Variants in FAM200B observed in about 807,000 individuals in gnomAD.
FAM200B encodes the protein zinc finger BED-type containing 11.
In FAM200B, 32 loss-of-function variants were observed where a neutral mutation model predicts 33.1. The observed-to-expected ratio is 0.97, with a 90% CI of 0.73 to 1.30. The LOEUF (loss-of-function observed/expected upper bound fraction) is 1.30. FAM200B is among the 50% of genes most tolerant of loss of function. The pLI is 0.00. For missense variants in FAM200B, 741 were observed against 754.0 expected (o/e 0.98, Z 0.20); for synonymous variants, 240 against 264.8 (o/e 0.91, Z 0.91).
chr4:15,655,337 T>A, the FAM200B span: 1 of 1,308,942 alleles, frequency 7.6e-7, no homozygotes, highest in Non-Finnish European at 1.0e-6. Flanking sequence ...CGCCTCTCCA[T>A]AGACACCCTC....
At chr4:15,642,871 T>C in the FAM200B span, among the ~76,000 whole-genome samples, 21 of 152,350 alleles carry the variant, frequency 1.4e-4, no homozygotes, top group East Asian at 3.9e-3. Flanking sequence ...GACCCTCTTC[T>C]ATATACTCTA....
At chr4:15,670,302 C>T in the FAM200B span, among the ~76,000 whole-genome samples, 2 of 152,174 alleles carry the variant, frequency 1.3e-5, no homozygotes, top group African/African-American at 2.4e-5. Context: ...CTAGATCATA[C>T]GTATGATAGA....
Position 15,688,713 on chromosome 4 carries a change from G to A in FAM200B, c.1736G>A (p.Ser579Asn), listed in dbSNP as rs1185276184. 1 of 1,550,726 alleles carries A rather than the reference G, an allele frequency of 6.4e-7. No homozygotes were observed. The highest frequency in any genetic ancestry group is 8.7e-7 in the Non-Finnish European group (1 of 1,146,388). The change falls in exon 2 of 2, where the codon AGT (serine) becomes AAT (asparagine). Residue 579 changes from serine (S) to asparagine (N), a missense_variant. Coordinates refer to ENST00000422728, the MANE Select transcript of FAM200B (RefSeq NM_001145191.2). ...YTLKNDYETL[S>N]LSAFWMKVKE... ...TTGAAGAATGATTATGAAACCTTAA[G>A]TTTATCAGCATTTTGGATGAAGGTA...
Position 15,686,937 on chromosome 4 carries a change from A to G in FAM200B, c.-41A>G. ...TTTCTTCTTTTTTGAGTTAGTGCCA[A>G]TTATAACATTTTAATCAAACTGGAA... On this transcript the variant is annotated 5_prime_UTR_variant, in exon 2 of 2. Transcript: ENST00000422728. The G allele has an allele frequency of 1.9e-6, 2 of 1,079,646 alleles. No homozygotes were observed. The highest frequency in any genetic ancestry group is 2.5e-6 in the Non-Finnish European group (2 of 789,140). 66.9% of individuals were successfully genotyped at this position (1,079,646 alleles called of 1,614,324 possible). A position where few individuals can be genotyped will look rare whatever the true frequency, so the allele number is the denominator to read the frequency against.
upstream of FAM200B, among the ~76,000 whole-genome samples, chr4:15,679,562 C>CAAA (rs1202369624): frequency 2.1e-5 from 2 of 94,400 alleles, no homozygotes; most frequent in Admixed American, 1.1e-4. Context: ...AGTTCAGGAA[C>CAAA]AAAAAAAAAA....
the FAM200B span, among the ~76,000 whole-genome samples, chr4:15,669,825 T>C: frequency 1.3e-5 from 2 of 152,224 alleles, no homozygotes; most frequent in East Asian, 1.9e-4. Context: ...ATTTTACTGA[T>C]ATTTTCAGCA....
chr4:15,640,781 T>G, the FAM200B span: 1 of 1,446,920 alleles, frequency 6.9e-7, no homozygotes, highest in Non-Finnish European at 9.3e-7. Context: ...AGAAAAATTA[T>G]GCTTACCTCC....
the FAM200B span, among the ~76,000 whole-genome samples, chr4:15,650,596 C>T: frequency 2.7e-5 from 4 of 150,848 alleles, no homozygotes; most frequent in South Asian, 2.1e-4. Context: ...TATAAAAGGA[C>T]GCACATAATT....
upstream of FAM200B, among the ~76,000 whole-genome samples, chr4:15,679,925 A>G (rs74321684): frequency 9.8e-4 from 149 of 152,346 alleles, 2 homozygotes; most frequent in East Asian, 0.028. Flanking sequence ...ACCCCTGCAA[A>G]TGTAGAAATG....
At chr4:15,650,826 T>G in the FAM200B span, among the ~76,000 whole-genome samples, 1 of 151,810 alleles carries the variant, frequency 6.6e-6, no homozygotes, top group African/African-American at 2.4e-5. Context: ...AGAGATGAGG[T>G]TTCACCATCT....
At chr4:15,641,115 T>C in the FAM200B span, among the ~76,000 whole-genome samples, 2 of 152,148 alleles carry the variant, frequency 1.3e-5, no homozygotes, top group Non-Finnish European at 2.9e-5. Context: ...AGTCTAAAAA[T>C]AGCACGTATC....
At chr4:15,670,447 G>A in the FAM200B span, among the ~76,000 whole-genome samples, 5 of 152,174 alleles carry the variant, frequency 3.3e-5, no homozygotes, top group South Asian at 8.3e-4. Context: ...TTTAATTGGT[G>A]TTACCATCAT....
At chr4:15,639,025 G>A in the FAM200B span, among the ~76,000 whole-genome samples, 2 of 152,152 alleles carry the variant, frequency 1.3e-5, no homozygotes, top group East Asian at 1.9e-4. Flanking sequence ...GTAGCCGGGC[G>A]TGGTGGCGCA....
At chr4:15,654,504 G>A in the FAM200B span, among the ~76,000 whole-genome samples, 1 of 152,198 alleles carries the variant, frequency 6.6e-6, no homozygotes, top group Non-Finnish European at 1.5e-5. Flanking sequence ...AGAAATCCAA[G>A]AGAGAATTGC....
chr4:15,661,834 C>T, the FAM200B span, among the ~76,000 whole-genome samples: 1 of 152,170 alleles, frequency 6.6e-6, no homozygotes, highest in Non-Finnish European at 1.5e-5. Context: ...GCTAAAGCTG[C>T]GATCATCCGA....
the FAM200B span, among the ~76,000 whole-genome samples, chr4:15,646,344 T>C: frequency 6.7e-6 from 1 of 149,448 alleles, no homozygotes; most frequent in African/African-American, 2.5e-5. Context: ...AGGCAGGACA[T>C]ACTTGGTTAA....
chr4:15,664,764 G>A, the FAM200B span, among the ~76,000 whole-genome samples: 3 of 151,634 alleles, frequency 2.0e-5, no homozygotes, highest in Admixed American at 1.3e-4. Flanking sequence ...TCACCATGTT[G>A]GCCAGGCTAG....
At chr4:15,679,783 T>C (rs1718140350), upstream of FAM200B, among the ~76,000 whole-genome samples, 1 of 151,326 alleles carries the variant, frequency 6.6e-6, no homozygotes, top group Non-Finnish European at 1.5e-5. Context: ...AAAAAAGCAG[T>C]ATGTCTCATT....
intron 1 of FAM200B, among the ~76,000 whole-genome samples, chr4:15,682,733 A>G (rs1458143736): frequency 6.6e-6 from 1 of 152,222 alleles, no homozygotes; most frequent in African/African-American, 2.4e-5. Context: ...AGTTGAATGC[A>G]TGGCTGCTGT....
Sources: gnomAD v4.1 joint callset for allele counts (sites outside exome capture counted in the v4.1 genomes callset) on GRCh38, gnomAD v4.1.1 for gene constraint, MANE v1.5 for transcripts, NCBI Gene and HGNC (gene_info 2026-07-23, HGNC 2026-07-21) for gene names.